SNTG1: variants seen among roughly 807,000 people sequenced by gnomAD.
SNTG1 encodes the protein syntrophin gamma 1, also known as gamma-1-syntrophin.
Under a neutral mutation model 74.7 loss-of-function variants are expected in SNTG1, and 39 were observed. The observed-to-expected ratio is 0.52, with a 90% CI of 0.40 to 0.68. SNTG1 has a LOEUF of 0.68. Ranked by LOEUF, SNTG1 falls within the 30% of genes least tolerant of loss-of-function variation. The pLI, the probability that SNTG1 is intolerant of heterozygous loss-of-function variation, is 0.00. For synonymous variants in SNTG1, 254 were observed against 217.1 expected, an observed-to-expected ratio of 1.17 and a Z score of -1.49; for missense variants, 685 against 609.5, an observed-to-expected ratio of 1.12 and a Z score of -1.30.
intron 1 of SNTG1, among the ~76,000 whole-genome samples, chr8:50,148,747 G>T (rs1220921820): frequency 1.3e-5 from 2 of 152,278 alleles, no homozygotes; most frequent in Non-Finnish European, 2.9e-5. Context: ...TTTTATGGAT[G>T]CATAGTATTC....
chr8:50,622,583 T>C (rs1187270098), intron 13 of SNTG1, among the ~76,000 whole-genome samples: 1 of 152,156 alleles, frequency 6.6e-6, no homozygotes, highest in Non-Finnish European at 1.5e-5. Flanking sequence ...CCATAATCAA[T>C]TTACATTTAA....
At chr8:50,112,873 T>G (rs994082745) in intron 1 of SNTG1, among the ~76,000 whole-genome samples, 5 of 152,164 alleles carry the variant, frequency 3.3e-5, no homozygotes, top group African/African-American at 9.7e-5. Flanking sequence ...TTCTTGTTTT[T>G]GTCAGGTTTG....
chr8:50,530,357 C>G, intron 10 of SNTG1, 98 bp downstream of exon 10: 1 of 1,122,078 alleles, frequency 8.9e-7, no homozygotes, highest in South Asian at 1.4e-5. Context: ...TAGGAAATCC[C>G]TGGTTGCATA....
chr8:50,214,913 A>C (rs995286675), intron 2 of SNTG1, among the ~76,000 whole-genome samples: 5 of 152,220 alleles, frequency 3.3e-5, no homozygotes, highest in African/African-American at 9.6e-5. Context: ...ACTGTCTCGC[A>C]ACTCAGCTAC....
intron 8 of SNTG1, among the ~76,000 whole-genome samples, chr8:50,488,022 A>G (rs751624679): frequency 3.3e-5 from 5 of 152,204 alleles, no homozygotes; most frequent in Non-Finnish European, 7.3e-5. Flanking sequence ...ACAAGTAAGT[A>G]ACTTAAACAA....
At chr8:50,142,002 T>C (rs1390252753) in intron 1 of SNTG1, among the ~76,000 whole-genome samples, 2 of 152,146 alleles carry the variant, frequency 1.3e-5, no homozygotes, top group South Asian at 2.1e-4. Flanking sequence ...ACACCTATTA[T>C]TGCAAAATCA....
intron 17 of SNTG1, among the ~76,000 whole-genome samples, chr8:50,719,469 A>G (rs1292634043): frequency 6.6e-6 from 1 of 152,200 alleles, no homozygotes; most frequent in African/African-American, 2.4e-5. Context: ...CCAGAACTGT[A>G]AGAAATACAT....
chr8:50,113,020 G>C (rs1461802553), intron 1 of SNTG1, among the ~76,000 whole-genome samples: 2 of 152,124 alleles, frequency 1.3e-5, no homozygotes, highest in African/African-American at 4.8e-5. Context: ...TTGAAGTCAG[G>C]TAGCATGATG....
chr8:50,695,487 CTTAT>C (rs35894305), intron 15 of SNTG1, among the ~76,000 whole-genome samples: 10,446 of 149,512 alleles, frequency 0.07, 967 homozygotes, highest in African/African-American at 0.21. Context: ...TTTTTTATTT[CTTAT>C]TTATTTATTT....
intron 1 of SNTG1, among the ~76,000 whole-genome samples, chr8:50,033,926 T>G (rs1256325755): frequency 6.6e-6 from 1 of 152,198 alleles, no homozygotes; most frequent in African/African-American, 2.4e-5. Context: ...ACTGATTTGT[T>G]AAAAGTCACA....
At chr8:50,594,062 C>T (rs1333988209) in intron 13 of SNTG1, among the ~76,000 whole-genome samples, 1 of 152,128 alleles carries the variant, frequency 6.6e-6, no homozygotes, top group East Asian at 1.9e-4. Context: ...ATTAAACTTG[C>T]CCTGGTAACT....
intron 18 of SNTG1, among the ~76,000 whole-genome samples, chr8:50,779,365 C>G (rs2095651310): frequency 6.6e-6 from 1 of 152,028 alleles, no homozygotes; most frequent in Non-Finnish European, 1.5e-5. Context: ...TCTTTGTATC[C>G]TCTTTTATTT....
chr8:50,282,203 G>A (rs1327897625), intron 2 of SNTG1, among the ~76,000 whole-genome samples: 1 of 151,932 alleles, frequency 6.6e-6, no homozygotes, highest in Admixed American at 6.6e-5. Context: ...CCCTCCAACC[G>A]GAGACATTCC....
intron 2 of SNTG1, among the ~76,000 whole-genome samples, chr8:50,266,564 T>C (rs2087475725): frequency 6.6e-6 from 1 of 150,898 alleles, no homozygotes. Context: ...ATACATGTGA[T>C]GAATAAATAT....
chr8:50,397,609 A>G (rs1453615060), intron 3 of SNTG1, among the ~76,000 whole-genome samples: 1 of 152,208 alleles, frequency 6.6e-6, no homozygotes, highest in African/African-American at 2.4e-5. Flanking sequence ...TCATTGCTTC[A>G]ATACAAGAAG....
chr8:50,338,355 G>A (rs977787766), intron 2 of SNTG1, among the ~76,000 whole-genome samples: 30 of 152,072 alleles, frequency 2.0e-4, no homozygotes, highest in African/African-American at 7.0e-4. Context: ...TTTTACCAGG[G>A]CATCATGTCT....
At chr8:50,164,098 T>TC (rs1360886659) in intron 1 of SNTG1, 6 of 137,744 alleles carry the variant, frequency 4.4e-5, no homozygotes, top group African/African-American at 1.7e-4. Flanking sequence ...ATTTCTTTTT[T>TC]TTTTTTTTTT....
chr8:49,972,706 G>A (rs148771789), intron 1 of SNTG1, among the ~76,000 whole-genome samples: 3,492 of 152,012 alleles, frequency 0.023, 130 homozygotes, highest in African/African-American at 0.077. Context: ...TGGGTGAAGG[G>A]TATGAACAGA....
intron 18 of SNTG1, 73 bp from the exon 19 acceptor site, chr8:50,792,598 A>G: frequency 7.0e-7 from 1 of 1,431,808 alleles, no homozygotes; most frequent in Non-Finnish European, 9.4e-7. Flanking sequence ...AAATTGAAAA[A>G]AAATCTAGCT....
Sources: gnomAD v4.1 joint callset for allele counts (sites outside exome capture counted in the v4.1 genomes callset) on GRCh38, gnomAD v4.1.1 for gene constraint, MANE v1.5 for transcripts, NCBI Gene and HGNC (gene_info 2026-07-23, HGNC 2026-07-21) for gene names.